Variants in THRB observed in about 807,000 individuals in gnomAD.
The protein encoded by THRB is nuclear receptor subfamily 1 group A member 2.
THRB carries 12 observed loss-of-function variants against 47.8 expected under a neutral mutation model. The observed-to-expected ratio is 0.25, with a 90% CI of 0.16 to 0.41. The LOEUF (loss-of-function observed/expected upper bound fraction) is 0.41. Among genes scored for constraint, THRB ranks in the 10% least tolerant of loss-of-function variants. The pLI is 1.00. For synonymous variants in THRB, 218 were observed against 212.2 expected (o/e 1.03, Z -0.24); for missense variants, 348 against 589.2 (o/e 0.59, Z 4.24).
intron 1 of THRB, among the ~76,000 whole-genome samples, chr3:24,425,790 G>C (rs1380283168): frequency 6.6e-6 from 1 of 151,946 alleles, no homozygotes; most frequent in Non-Finnish European, 1.5e-5. Context: ...CAGGCTACCA[G>C]TTGGACAACC....
At chr3:24,170,779 G>A (rs1355525889) in intron 5 of THRB, among the ~76,000 whole-genome samples, 5 of 151,842 alleles carry the variant, frequency 3.3e-5, no homozygotes, top group African/African-American at 1.2e-4. Flanking sequence ...TGAAAGCCCT[G>A]ACACTCTTCA....
chr3:24,257,393 T>G (rs1256670552), intron 3 of THRB, among the ~76,000 whole-genome samples: 1 of 152,180 alleles, frequency 6.6e-6, no homozygotes, highest in East Asian at 1.9e-4. Context: ...GAGAAGAAAC[T>G]AAATATCTTA....
chr3:24,244,478 T>C (rs1253976185), intron 3 of THRB, among the ~76,000 whole-genome samples: 1 of 152,196 alleles, frequency 6.6e-6, no homozygotes, highest in East Asian at 1.9e-4. Flanking sequence ...TGAAACTTCT[T>C]GATCAAGGCC....
chr3:24,472,586 G>A (rs1345430384), intron 1 of THRB, among the ~76,000 whole-genome samples: 1 of 152,144 alleles, frequency 6.6e-6, no homozygotes, highest in Non-Finnish European at 1.5e-5. Context: ...TGTTAAAGAA[G>A]GTGATTCATC....
intron 3 of THRB, among the ~76,000 whole-genome samples, chr3:24,272,915 C>T (rs1445916875): frequency 6.6e-6 from 1 of 152,082 alleles, no homozygotes; most frequent in Non-Finnish European, 1.5e-5. Context: ...TCCAAAATAG[C>T]AAAGAAAATT....
At chr3:24,465,074 T>A (rs73150393) in intron 1 of THRB, among the ~76,000 whole-genome samples, 352 of 152,284 alleles carry the variant, frequency 2.3e-3, no homozygotes, top group African/African-American at 7.7e-3. Context: ...CTTGGTTCAA[T>A]TCTCTTCTCA....
In THRB at chr3:24,272,580, G is replaced by T. The variant is rs867020257; in HGVS notation, c.-43+24646C>A. On this transcript the variant is annotated intron_variant, in intron 3 of 10. Transcript: ENST00000646209. ...TGATACTACCTTACCCTTATTTGGG[G>T]GTACATCTTTTCCCTGGCAAGGAAT... Among the ~76,000 whole-genome samples the T allele has an allele frequency of 5.9e-5, 9 of 152,166 alleles. No homozygotes were observed. The Middle Eastern group carries it at 0.01, about 173-fold the overall frequency.
chr3:24,127,062 C>T (rs983670015), intron 10 of THRB, among the ~76,000 whole-genome samples: 6 of 152,208 alleles, frequency 3.9e-5, no homozygotes, highest in Non-Finnish European at 7.3e-5. Context: ...TATTTAGCAA[C>T]AGATAACTAA....
intron 4 of THRB, among the ~76,000 whole-genome samples, chr3:24,219,411 T>C (rs955245350): frequency 1.3e-5 from 2 of 152,236 alleles, no homozygotes; most frequent in African/African-American, 4.8e-5. Flanking sequence ...AATGCTGGCC[T>C]TGGAGTGCAG....
At chr3:24,385,308 T>C (rs1361880192) in intron 1 of THRB, among the ~76,000 whole-genome samples, 1 of 152,042 alleles carries the variant, frequency 6.6e-6, no homozygotes, top group African/African-American at 2.4e-5. Flanking sequence ...TTGAAAATTT[T>C]TATAACAGAA....
chr3:24,247,116 T>C (rs913677363), intron 3 of THRB, among the ~76,000 whole-genome samples: 1 of 152,188 alleles, frequency 6.6e-6, no homozygotes, highest in African/African-American at 2.4e-5. Flanking sequence ...TGAGTAGAAA[T>C]CTACAACAAA....
intron 3 of THRB, among the ~76,000 whole-genome samples, chr3:24,277,897 T>A (rs1044547962): frequency 1.3e-5 from 2 of 152,246 alleles, no homozygotes; most frequent in African/African-American, 4.8e-5. Context: ...AAATAATTGA[T>A]GTTCTCAATT....
At chr3:24,368,595 G>A (rs906745078) in intron 1 of THRB, among the ~76,000 whole-genome samples, 1 of 152,290 alleles carries the variant, frequency 6.6e-6, no homozygotes, top group Admixed American at 6.5e-5. Flanking sequence ...AATAACCGCA[G>A]AATAAAATGG....
intron 5 of THRB, among the ~76,000 whole-genome samples, chr3:24,182,795 C>T (rs971715386): frequency 6.6e-6 from 1 of 152,192 alleles, no homozygotes; most frequent in Admixed American, 6.5e-5. Context: ...TGACCTCGGA[C>T]TGTATAAGTA....
intron 1 of THRB, among the ~76,000 whole-genome samples, chr3:24,484,966 G>GCATTCATT (rs546602288): frequency 7.2e-5 from 11 of 151,996 alleles, no homozygotes; most frequent in Non-Finnish European, 1.6e-4. Context: ...ACCCATTCCT[G>GCATTCATT]CATTCATTCA....
At chr3:24,270,715 T>C (rs2053238239) in intron 3 of THRB, among the ~76,000 whole-genome samples, 1 of 152,180 alleles carries the variant, frequency 6.6e-6, no homozygotes, top group Non-Finnish European at 1.5e-5. Flanking sequence ...CAGAGTGAAT[T>C]CTAGCCTAAC....
intron 3 of THRB, among the ~76,000 whole-genome samples, chr3:24,250,865 A>T (rs149674302): frequency 9.2e-4 from 140 of 152,316 alleles, no homozygotes; most frequent in Middle Eastern, 3.4e-3. Flanking sequence ...ATGTTAATCT[A>T]GGATCAGATA....
Position 24,302,373 on chromosome 3 carries a change from T to C in THRB, c.-188-5002A>G, listed in dbSNP as rs931801118. On this transcript the variant is annotated intron_variant, in intron 2 of 10. Coordinates refer to ENST00000646209, the MANE Select transcript of THRB (RefSeq NM_001354712.2). ...CCCTGGGTTTTTATAGATTTTGTTT[T>C]ATGTCCTCTAAATAATCATTTCTTG... Among the ~76,000 whole-genome samples, 60 of 152,244 alleles carry C rather than the reference T, an allele frequency of 3.9e-4. 1 individual carries two copies. The highest frequency in any genetic ancestry group is 1.2e-4 in the Non-Finnish European group (8 of 68,044).
chr3:24,430,054 G>C (rs930296493), intron 1 of THRB: 3 of 152,028 alleles, frequency 2.0e-5, no homozygotes, highest in Admixed American at 6.6e-5. Flanking sequence ...TCCTGGTGAT[G>C]ATGAGGACTA....
Sources: gnomAD v4.1 joint callset for allele counts (sites outside exome capture counted in the v4.1 genomes callset) on GRCh38, gnomAD v4.1.1 for gene constraint, MANE v1.5 for transcripts, NCBI Gene and HGNC (gene_info 2026-07-23, HGNC 2026-07-21) for gene names.